Variants in CNTNAP2 observed in about 807,000 individuals in gnomAD.
The protein encoded by CNTNAP2 is contactin associated protein 2.
In CNTNAP2, 98 loss-of-function variants were observed where a neutral mutation model predicts 155.2. The ratio of observed to expected loss-of-function variants is 0.63; its 90% CI spans 0.54 to 0.75. The LOEUF is 0.75. Ranked by LOEUF, CNTNAP2 falls within the 30% of genes least tolerant of loss-of-function variation. The pLI, the probability that CNTNAP2 is intolerant of heterozygous loss-of-function variation, is 0.00. For synonymous variants in CNTNAP2, 651 were observed against 631.2 expected (o/e 1.03, Z -0.47); for missense variants, 1,727 against 1,688.1 (o/e 1.02, Z -0.40).
chr7:147,238,533 C>A (rs994917838), intron 8 of CNTNAP2, among the ~76,000 whole-genome samples: 4 of 151,924 alleles, frequency 2.6e-5, no homozygotes, highest in African/African-American at 7.3e-5. Context: ...GGAATGCTAT[C>A]GAAAATTTTC....
intron 1 of CNTNAP2, among the ~76,000 whole-genome samples, chr7:146,227,020 C>T (rs1381363422): frequency 6.6e-6 from 1 of 152,046 alleles, no homozygotes; most frequent in Non-Finnish European, 1.5e-5. Context: ...GCAGAGAATA[C>T]AACTATGTAT....
intron 11 of CNTNAP2, among the ~76,000 whole-genome samples, chr7:147,527,718 C>T (rs938490841): frequency 7.2e-5 from 11 of 152,136 alleles, no homozygotes; most frequent in East Asian, 1.9e-4. Flanking sequence ...AGATGTGAGC[C>T]GTGTAACTAT....
intron 10 of CNTNAP2, among the ~76,000 whole-genome samples, chr7:147,474,589 A>G (rs1031048020): frequency 1.6e-4 from 25 of 152,178 alleles, no homozygotes; most frequent in African/African-American, 5.8e-4. Context: ...GTCTGAAAAA[A>G]AAAACAAGAA....
intron 1 of CNTNAP2, among the ~76,000 whole-genome samples, chr7:146,543,497 A>T (rs1003320208): frequency 6.6e-6 from 1 of 151,880 alleles, no homozygotes; most frequent in Non-Finnish European, 1.5e-5. Context: ...TGTGAGTGAA[A>T]TCACACACCA....
chr7:147,650,278 C>T (rs1464925750), intron 13 of CNTNAP2, among the ~76,000 whole-genome samples: 1 of 152,112 alleles, frequency 6.6e-6, no homozygotes, highest in African/African-American at 2.4e-5. Flanking sequence ...TAAGATATTG[C>T]TCAGTTATTC....
chr7:146,257,865 T>A (rs1799862675), intron 1 of CNTNAP2, among the ~76,000 whole-genome samples: 1 of 151,358 alleles, frequency 6.6e-6, no homozygotes, highest in Non-Finnish European at 1.5e-5. Flanking sequence ...TTTGTGCAAT[T>A]GAGCCGCTTT....
intron 1 of CNTNAP2, among the ~76,000 whole-genome samples, chr7:146,216,999 T>G (rs913597488): frequency 3.9e-5 from 6 of 152,192 alleles, no homozygotes; most frequent in Admixed American, 3.3e-4. Context: ...GCTCAAACAT[T>G]TCATCAAAAG....
At chr7:147,173,944 G>T (rs1334733819) in intron 8 of CNTNAP2, among the ~76,000 whole-genome samples, 1 of 152,084 alleles carries the variant, frequency 6.6e-6, no homozygotes, top group Non-Finnish European at 1.5e-5. Context: ...ACCAGAAAAT[G>T]ATACAGAATC....
At chr7:146,702,794 T>C (rs1800898953) in intron 1 of CNTNAP2, among the ~76,000 whole-genome samples, 1 of 152,136 alleles carries the variant, frequency 6.6e-6, no homozygotes, top group Non-Finnish European at 1.5e-5. Context: ...CAAAAATTAA[T>C]GTTGTGTGCT....
chr7:146,825,862 A>G (rs986696309), intron 2 of CNTNAP2, among the ~76,000 whole-genome samples: 1 of 152,186 alleles, frequency 6.6e-6, no homozygotes, highest in Non-Finnish European at 1.5e-5. Context: ...TGAATGCAAC[A>G]TTGTATATCA....
Position 146,116,828 on chromosome 7 carries a change from T to A in CNTNAP2, c.-49T>A. On this transcript the variant is annotated 5_prime_UTR_variant, in exon 1 of 24. Coordinates refer to ENST00000361727, the MANE Select transcript of CNTNAP2 (RefSeq NM_014141.6). This position sits in a 1 kb window ranked among gnomAD's most constrained non-coding sequence, Gnocchi z 5.5. The stretch of plus-strand genomic sequence containing the variant: ...TCAAGAACCCTACGGAGAGTCGGAC[T>A]GCATCTCCGCAGCGAGCTCTTGGAG... 1 of 1,432,830 alleles carries A rather than the reference T, an allele frequency of 7.0e-7. No homozygotes were observed. Among genetic ancestry groups the A allele is most frequent in the Non-Finnish European group, 9.5e-7 (1 of 1,050,088 alleles). The allele number at this position is 1,432,830 out of a possible 1,614,324, so 88.8% of individuals were successfully genotyped here. A position where few individuals can be genotyped will look rare whatever the true frequency, so the allele number is the denominator to read the frequency against.
chr7:148,040,013 T>C (rs1275692058), intron 15 of CNTNAP2, among the ~76,000 whole-genome samples: 1 of 152,206 alleles, frequency 6.6e-6, no homozygotes, highest in Non-Finnish European at 1.5e-5. Context: ...CCCTTCTCTC[T>C]CTAAATTGAC....
chr7:146,674,024 C>T (rs1314783008), intron 1 of CNTNAP2, among the ~76,000 whole-genome samples: 3 of 152,194 alleles, frequency 2.0e-5, no homozygotes, highest in Non-Finnish European at 4.4e-5. Context: ...GGCAGAGGTG[C>T]TAAATTTCAT....
At chr7:147,866,122 G>T (rs1180132737) in intron 13 of CNTNAP2, among the ~76,000 whole-genome samples, 1 of 152,166 alleles carries the variant, frequency 6.6e-6, no homozygotes, top group African/African-American at 2.4e-5. Context: ...GGTACGTTGT[G>T]TCTTTGTTCT....
At chr7:146,514,476 T>G (rs1797512620) in intron 1 of CNTNAP2, among the ~76,000 whole-genome samples, 1 of 152,112 alleles carries the variant, frequency 6.6e-6, no homozygotes, top group South Asian at 2.1e-4. Flanking sequence ...GTTCACTGAT[T>G]CTTTCCTCTG....
intron 1 of CNTNAP2, among the ~76,000 whole-genome samples, chr7:146,483,495 T>TTG (rs1238567073): frequency 5.4e-5 from 8 of 148,534 alleles, no homozygotes; most frequent in East Asian, 2.0e-4. Context: ...TAAAGCTTGT[T>TTG]TGTGTGTGTG....
At chr7:147,390,290 G>A (rs1376809612) in intron 9 of CNTNAP2, among the ~76,000 whole-genome samples, 3 of 149,196 alleles carry the variant, frequency 2.0e-5, no homozygotes, top group African/African-American at 7.7e-5. Flanking sequence ...GATTATAATA[G>A]CAGGATGTGT....
intron 1 of CNTNAP2, among the ~76,000 whole-genome samples, chr7:146,388,335 T>G (rs183229263): frequency 3.9e-5 from 6 of 152,102 alleles, no homozygotes; most frequent in Non-Finnish European, 7.4e-5. Context: ...CAAGGGAGTA[T>G]GAGGTGGGAG....
chr7:147,074,549 G>A (rs1208699626), intron 4 of CNTNAP2, among the ~76,000 whole-genome samples: 1 of 152,084 alleles, frequency 6.6e-6, no homozygotes, highest in Non-Finnish European at 1.5e-5. Flanking sequence ...AGCCCCATTA[G>A]ATGTAAAAAA....
Sources: gnomAD v4.1 joint callset for allele counts (sites outside exome capture counted in the v4.1 genomes callset) on GRCh38, gnomAD v4.1.1 for gene constraint, Gnocchi (gnomAD v3.1) non-coding constraint, MANE v1.5 for transcripts, NCBI Gene and HGNC (gene_info 2026-07-23, HGNC 2026-07-21) for gene names.